Variants in ADGRB3 observed in about 807,000 individuals in gnomAD.
ADGRB3 encodes adhesion G protein-coupled receptor B3.
ADGRB3 carries 37 observed loss-of-function variants against 193.4 expected under a neutral mutation model. The ratio of observed to expected loss-of-function variants is 0.19; its 90% CI spans 0.15 to 0.25. ADGRB3 has a LOEUF of 0.25. Among genes scored for constraint, ADGRB3 ranks in the 10% least tolerant of loss-of-function variants. The probability of loss-of-function intolerance (pLI) is 1.00; values close to 1 mark genes in which losing one functional copy is unlikely to be tolerated. For missense variants in ADGRB3, 1,637 were observed against 1,852.9 expected, an observed-to-expected ratio of 0.88 and a Z score of 2.14; for synonymous variants, 690 against 644.2, an observed-to-expected ratio of 1.07 and a Z score of -1.08.
intron 3 of ADGRB3, among the ~76,000 whole-genome samples, chr6:68,703,880 C>T (rs1765283654): frequency 6.6e-6 from 1 of 152,144 alleles, no homozygotes; most frequent in Non-Finnish European, 1.5e-5. Flanking sequence ...GCCTCAGCCT[C>T]CAAAAGTACT....
chr6:69,314,741 C>T (rs1043308883), intron 20 of ADGRB3, among the ~76,000 whole-genome samples: 1 of 151,572 alleles, frequency 6.6e-6, no homozygotes, highest in Admixed American at 6.6e-5. Context: ...ACAAATGACA[C>T]TGCTGTCAAT....
At position 68,868,911 on chromosome 6, in the gene ADGRB3, A is replaced by ATGTGTGTGTGTGTGTGTG. The variant is rs375255522; in HGVS notation, c.758-61635_758-61618dup. On this transcript the variant is annotated intron_variant, in intron 3 of 31. Transcript: ENST00000370598. ...CTGGAAATAGGACTTCCAGATAATG[A>ATGTGTGTGTGTGTGTGTG]TGTGTGTGTGTGTGTGTGTGTGTGT... Among the ~76,000 whole-genome samples, 114 of 139,836 alleles carry ATGTGTGTGTGTGTGTGTG rather than the reference A, an allele frequency of 8.2e-4. 1 individual carries two copies. In the East Asian group the frequency reaches 0.015, roughly 18 times the overall value. The allele number at this position is 139,836 out of a possible 152,430, so 91.7% of individuals were successfully genotyped here. A position where few individuals can be genotyped will look rare whatever the true frequency, so the allele number is the denominator to read the frequency against.
intron 3 of ADGRB3, among the ~76,000 whole-genome samples, chr6:68,853,402 G>T (rs566999256): frequency 6.6e-6 from 1 of 151,998 alleles, no homozygotes; most frequent in South Asian, 2.1e-4. Flanking sequence ...CATTCATTTT[G>T]TGGCAAACCA....
intron 3 of ADGRB3, among the ~76,000 whole-genome samples, chr6:68,727,619 A>AT (rs1259110110): frequency 6.6e-6 from 1 of 151,546 alleles, no homozygotes; most frequent in East Asian, 1.9e-4. Context: ...ACTAAAAAAA[A>AT]GTTCATCATT....
chr6:69,381,018 T>C (rs776745424), intron 30 of ADGRB3, among the ~76,000 whole-genome samples: 21 of 151,934 alleles, frequency 1.4e-4, no homozygotes, highest in Non-Finnish European at 2.8e-4. Flanking sequence ...GTCTTCTAAC[T>C]ACAATAGTTT....
intron 3 of ADGRB3, among the ~76,000 whole-genome samples, chr6:68,731,586 A>C (rs1316693608): frequency 6.6e-6 from 1 of 151,602 alleles, no homozygotes; most frequent in African/African-American, 2.4e-5. Context: ...TAATAATATG[A>C]TGTATCATTA....
At chr6:68,714,366 A>G (rs1432905676) in intron 3 of ADGRB3, among the ~76,000 whole-genome samples, 1 of 147,700 alleles carries the variant, frequency 6.8e-6, no homozygotes, top group Non-Finnish European at 1.5e-5. Flanking sequence ...TAATTAGTCA[A>G]ATTTTTTTTT....
intron 3 of ADGRB3, among the ~76,000 whole-genome samples, chr6:68,802,060 T>C (rs1016711902): frequency 6.6e-6 from 1 of 152,198 alleles, no homozygotes; most frequent in Admixed American, 6.5e-5. Context: ...ACTGAAATAA[T>C]ATAATTTCAA....
At chr6:68,676,252 C>G (rs1382001377) in intron 3 of ADGRB3, among the ~76,000 whole-genome samples, 1 of 151,750 alleles carries the variant, frequency 6.6e-6, no homozygotes, top group Admixed American at 6.6e-5. Context: ...ATTAGCTGGG[C>G]GTGGTGGCGC....
chr6:68,862,466 G>A (rs976100251), intron 3 of ADGRB3, among the ~76,000 whole-genome samples: 1 of 152,122 alleles, frequency 6.6e-6, no homozygotes, highest in African/African-American at 2.4e-5. Flanking sequence ...AAGTGGTACA[G>A]ACTCTTCACA....
chr6:68,983,935 C>G (rs924710489), intron 10 of ADGRB3, among the ~76,000 whole-genome samples: 1 of 151,974 alleles, frequency 6.6e-6, no homozygotes, highest in African/African-American at 2.4e-5. Flanking sequence ...AACATGTAAA[C>G]GGTAGAGAGA....
intron 10 of ADGRB3, among the ~76,000 whole-genome samples, chr6:68,987,183 T>C (rs764061509): frequency 6.6e-6 from 1 of 152,106 alleles, no homozygotes; most frequent in African/African-American, 2.4e-5. Flanking sequence ...AAAGGAAATA[T>C]GAAAATTACA....
Position 69,204,568 on chromosome 6 carries a change from A to G in ADGRB3, c.2481-28722A>G, listed in dbSNP as rs559306795. 8.5e-5 allele frequency among the ~76,000 whole-genome samples: 13 copies of G among 152,210 alleles called. No homozygotes were observed. In the East Asian group the frequency reaches 1.2e-3, roughly 14 times the overall value. On this transcript the variant is annotated intron_variant, in intron 17 of 31. Coordinates refer to ENST00000370598, the MANE Select transcript of ADGRB3 (RefSeq NM_001704.3). ...TGTGGGTTTAAACCCCACTACTGGT[A>G]TGTTTAGTTTTCATCCCTCCACTCT...
intron 20 of ADGRB3, among the ~76,000 whole-genome samples, chr6:69,261,691 G>T (rs2127273686): frequency 6.6e-6 from 1 of 151,816 alleles, no homozygotes; most frequent in South Asian, 2.1e-4. Context: ...GTAACATTTG[G>T]GTATTCATGG....
intron 3 of ADGRB3, among the ~76,000 whole-genome samples, chr6:68,922,655 A>G (rs1025908883): frequency 1.3e-5 from 2 of 152,176 alleles, no homozygotes; most frequent in African/African-American, 4.8e-5. Context: ...CTTAGAGATC[A>G]TGTTCCCGGT....
rs1770130296 is a variant in ADGRB3, at chr6:69,388,770, C to A, written c.4448C>A (p.Thr1483Asn). 6.2e-7 allele frequency: 1 copy of A among 1,613,380 alleles called. No individual in the cohort carries two copies. The highest frequency in any genetic ancestry group is 8.5e-7 in the Non-Finnish European group (1 of 1,179,678). The change falls in exon 32 of 32, where the codon ACC becomes AAC. Residue 1483 changes from threonine (T) to asparagine (N), a missense_variant. Transcript: ENST00000370598. Reference protein sequence around the residue: ...FKNPSEYPHYTTINVLDTEAK... With the variant: ...FKNPSEYPHYNTINVLDTEAK... Reference sequence around the variant, plus strand: ...AACCCCAGTGAATACCCGCATTACACCACAATCAATGTCTTAGACACAGAG... The same window carrying A: ...AACCCCAGTGAATACCCGCATTACAACACAATCAATGTCTTAGACACAGAG...
intron 10 of ADGRB3, among the ~76,000 whole-genome samples, chr6:68,984,860 G>A (rs536638150): frequency 6.6e-6 from 1 of 151,218 alleles, no homozygotes; most frequent in Non-Finnish European, 1.5e-5. Flanking sequence ...GAGCTTAGTG[G>A]GTTTTGTGTG....
At chr6:69,332,541 A>G (rs201610600) in intron 23 of ADGRB3, 1 of 985,384 alleles carries the variant, frequency 1.0e-6, no homozygotes, top group East Asian at 1.1e-4. Flanking sequence ...ATACTCTAAG[A>G]TTCAGAATCT....
intron 17 of ADGRB3, among the ~76,000 whole-genome samples, chr6:69,088,481 T>C (rs1453474424): frequency 6.6e-6 from 1 of 152,176 alleles, no homozygotes; most frequent in African/African-American, 2.4e-5. Context: ...CAAGCGATTC[T>C]CCTGCCTCAG....
Sources: gnomAD v4.1 joint callset for allele counts (sites outside exome capture counted in the v4.1 genomes callset) on GRCh38, gnomAD v4.1.1 for gene constraint, MANE v1.5 for transcripts, NCBI Gene and HGNC (gene_info 2026-07-23, HGNC 2026-07-21) for gene names.